Variants in PCDHA6 observed in about 807,000 individuals in gnomAD.
PCDHA6 encodes protocadherin alpha 6.
A neutral mutation model predicts 60.3 loss-of-function variants in PCDHA6; 55 were observed. The ratio of observed to expected loss-of-function variants is 0.91; its 90% CI spans 0.73 to 1.14. The LOEUF (loss-of-function observed/expected upper bound fraction) is 1.14. Among genes scored for constraint, PCDHA6 ranks in the 50% most tolerant of loss-of-function variants. PCDHA6 has a pLI of 0.00. For synonymous variants in PCDHA6, 652 were observed against 557.9 expected (o/e 1.17, Z -2.38); for missense variants, 1,327 against 1,256.5 (o/e 1.06, Z -0.85).
Position 140,830,088 on chromosome 5 carries a change from T to C in PCDHA6, c.1997T>C (p.Leu666Pro). Residue 666 changes from leucine (L) to proline (P), a missense_variant, in exon 1 of 4, where the codon CTG (leucine) becomes CCG (proline). By Grantham distance (98) the Leu-to-Pro change is moderately conservative. Transcript: ENST00000529310. ...GCGCTGACAGCGACGGCCACGGTTC[T>C]GGTGTCGCTGGTGGAGAGTGGCCAG... ...EPALTATATV[L>P]VSLVESGQAP... The C allele has an allele frequency of 8.1e-6, 13 of 1,613,512 alleles. No individual in the cohort carries two copies. Among genetic ancestry groups the C allele is most frequent in the Non-Finnish European group, 1.1e-5 (13 of 1,179,832 alleles).
intron 1 of PCDHA6, among the ~76,000 whole-genome samples, chr5:140,965,010 C>T (rs1160052537): frequency 5.9e-5 from 9 of 152,154 alleles, no homozygotes; most frequent in Admixed American, 3.9e-4. Flanking sequence ...GTGTCAGGAT[C>T]ACAACCTTGG....
At chr5:140,836,074 C>G in intron 1 of PCDHA6, 2 of 1,613,694 alleles carry the variant, frequency 1.2e-6, no homozygotes, top group Non-Finnish European at 1.7e-6. Flanking sequence ...AACGCGCCGG[C>G]ACTGCTGGCG....
In PCDHA6 at chr5:140,967,658, A is replaced by C. The variant is rs1554229743; in HGVS notation, c.2395-11291A>C. ...TGGTGAGCTCAGGTACTCCTTGAGC[A>C]GCTACACGTCGGACCGGGAGAGGCA... On this transcript the variant is annotated intron_variant, in intron 1 of 3. Coordinates refer to ENST00000529310, the MANE Select transcript of PCDHA6 (RefSeq NM_018909.4). 3 of 1,614,058 alleles carry C rather than the reference A, an allele frequency of 1.9e-6. No individual in the cohort carries two copies. The highest frequency in any genetic ancestry group is 1.7e-5 in the Admixed American group (1 of 60,008).
Position 140,857,655 on chromosome 5 carries a change from C to G in PCDHA6, c.2394+27170C>G, listed in dbSNP as rs782490979. 3.1e-6 allele frequency: 5 copies of G among 1,596,614 alleles called. No homozygotes were observed. The Admixed American group carries it at 6.7e-5, about 22-fold the overall frequency. ...GAGCTGCTACAGTTCCAGGTGAGCG[C>G]GCGCGATGGGGGCGTGCCGCCTCTG... On this transcript the variant is annotated intron_variant, in intron 1 of 3. Transcript: ENST00000529310.
intron 1 of PCDHA6, among the ~76,000 whole-genome samples, chr5:140,838,236 C>G (rs2150286202): frequency 6.6e-6 from 1 of 150,998 alleles, no homozygotes; most frequent in East Asian, 1.9e-4. Context: ...GCCTCAGTCT[C>G]CCAAGTAGCT....
At chr5:140,975,671 T>C (rs923429904) in intron 1 of PCDHA6, among the ~76,000 whole-genome samples, 2 of 152,248 alleles carry the variant, frequency 1.3e-5, no homozygotes, top group Admixed American at 6.5e-5. Context: ...TGTGAGTTTA[T>C]TAATAAAATA....
intron 1 of PCDHA6, chr5:140,966,848 C>T (rs573027963): frequency 1.3e-6 from 2 of 1,571,846 alleles, no homozygotes; most frequent in East Asian, 2.3e-5. Flanking sequence ...GCTACTGCCT[C>T]TCCTGCTGCT....
chr5:140,879,027 G>C (rs2057822967), intron 1 of PCDHA6, among the ~76,000 whole-genome samples: 1 of 152,184 alleles, frequency 6.6e-6, no homozygotes, highest in African/African-American at 2.4e-5. Context: ...TTTTATTGAA[G>C]AGTGTCTTGA....
intron 2 of PCDHA6, among the ~76,000 whole-genome samples, chr5:140,980,549 G>A (rs1382828581): frequency 1.3e-5 from 2 of 152,162 alleles, no homozygotes; most frequent in Non-Finnish European, 2.9e-5. Context: ...AGAATCGCTT[G>A]AACCCGGGAG....
intron 1 of PCDHA6, among the ~76,000 whole-genome samples, chr5:140,906,130 C>T (rs1554192409): frequency 6.6e-6 from 1 of 152,112 alleles, no homozygotes; most frequent in African/African-American, 2.4e-5. Flanking sequence ...AAATGTTAGT[C>T]TCCTTTGATA....
At position 141,010,080 on chromosome 5, in the gene PCDHA6, G is replaced by C. The variant is rs2098415967; in HGVS notation, c.*143G>C. On this transcript the variant is annotated 3_prime_UTR_variant, in exon 4 of 4. Transcript: ENST00000529310. The stretch of plus-strand genomic sequence containing the variant: ...AATCTGCAGAAAGTTCCCTGTGTCT[G>C]TCTAGAACGCATTTAACAGGTTTTG... 1 of 1,611,462 alleles carries C rather than the reference G, an allele frequency of 6.2e-7. No homozygotes were observed. The highest frequency in any genetic ancestry group is 1.1e-5 in the South Asian group (1 of 90,590).
At chr5:140,969,279 A>G (rs782221973) in intron 1 of PCDHA6, 3 of 1,614,244 alleles carry the variant, frequency 1.9e-6, no homozygotes, top group East Asian at 2.2e-5. Flanking sequence ...CAAAGTGGTC[A>G]GAATGCTGGG....
Position 140,922,562 on chromosome 5 carries a change from T to A in PCDHA6, c.2395-56387T>A, listed in dbSNP as rs2080887973. Among the ~76,000 whole-genome samples, 4 of 152,188 alleles carry A rather than the reference T, an allele frequency of 2.6e-5. No individual in the cohort carries two copies. In the South Asian group the frequency reaches 8.3e-4, roughly 31 times the overall value. ...GGCAAGGTAAGGAGAAAAGTCAGGA[T>A]GACAAGTTGCCCTGTAGCCGCCAGT... On this transcript the variant is annotated intron_variant, in intron 1 of 3. Transcript: ENST00000529310.
At chr5:140,894,259 T>A (rs2064392118) in intron 1 of PCDHA6, among the ~76,000 whole-genome samples, 1 of 152,106 alleles carries the variant, frequency 6.6e-6, no homozygotes. Context: ...TCTTTACAAG[T>A]GGTAGCTTAT....
intron 3 of PCDHA6, among the ~76,000 whole-genome samples, chr5:141,003,942 G>C (rs1054043476): frequency 2.0e-5 from 3 of 152,148 alleles, no homozygotes; most frequent in Non-Finnish European, 2.9e-5. Flanking sequence ...TTGCCTGAGG[G>C]TGAGCTAGGA....
Position 141,011,828 on chromosome 5 carries a change from T to C in PCDHA6, c.*1891T>C, listed in dbSNP as rs76856184. The C allele has an allele frequency of 2.5e-3, 389 of 153,920 alleles. 1 individual carries two copies. Among genetic ancestry groups the C allele is most frequent in the African/African-American group, 9.1e-3 (378 of 41,598 alleles). The allele number at this position is 153,920 out of a possible 1,614,324, so 9.5% of individuals were successfully genotyped here. ...GCTCATAGAAAGTAACAAAATTTGC[T>C]GTCACCTTAAATAAGACATTTTAAT... On this transcript the variant is annotated 3_prime_UTR_variant, in exon 4 of 4. Transcript: ENST00000529310.
At chr5:140,873,642 G>A (rs1217578025) in intron 1 of PCDHA6, among the ~76,000 whole-genome samples, 1 of 152,154 alleles carries the variant, frequency 6.6e-6, no homozygotes, top group Non-Finnish European at 1.5e-5. Flanking sequence ...GAGTATGTGA[G>A]AACTACATAA....
intron 1 of PCDHA6, chr5:140,875,916 G>GC: frequency 6.2e-7 from 1 of 1,614,086 alleles, no homozygotes. Context: ...CTGCGCCTCT[G>GC]GACTCTCATT....
chr5:140,954,411 G>A (rs246022), intron 1 of PCDHA6, among the ~76,000 whole-genome samples: 85,294 of 151,642 alleles, frequency 0.56, 24,563 homozygotes, highest in African/African-American at 0.69. Flanking sequence ...ACAGGGTAAA[G>A]GTGTTCCTTT....
Sources: gnomAD v4.1 joint callset for allele counts (sites outside exome capture counted in the v4.1 genomes callset) on GRCh38, gnomAD v4.1.1 for gene constraint, MANE v1.5 for transcripts, NCBI Gene and HGNC (gene_info 2026-07-23, HGNC 2026-07-21) for gene names.